Variants in PRRC2B observed in about 807,000 individuals in gnomAD.
PRRC2B encodes protein PRRC2B.
PRRC2B carries 68 observed loss-of-function variants against 242.3 expected under a neutral mutation model. The ratio of observed to expected loss-of-function variants is 0.28; its 90% confidence interval spans 0.23 to 0.34. PRRC2B has a LOEUF of 0.34. Ranked by LOEUF, PRRC2B falls within the 10% of genes least tolerant of loss-of-function variation. PRRC2B has a pLI of 1.00. For missense variants in PRRC2B, 2,835 were observed against 2,954.8 expected, an observed-to-expected ratio of 0.96 and a Z score of 0.94; for synonymous variants, 1,228 against 1,173.6, an observed-to-expected ratio of 1.05 and a Z score of -0.95.
intron 9 of PRRC2B, among the ~76,000 whole-genome samples, chr9:131,454,704 C>T (rs1453002535): frequency 2.0e-5 from 3 of 151,762 alleles, no homozygotes; most frequent in Non-Finnish European, 2.9e-5. Context: ...GGCATGATCT[C>T]GGCTCACTGC....
chr9:131,430,587 GTGTGTGTGTA>G (rs1432089096), intron 2 of PRRC2B, among the ~76,000 whole-genome samples: 20 of 138,106 alleles, frequency 1.4e-4, no homozygotes, highest in African/African-American at 1.9e-4. Context: ...GTGTGTGTGT[GTGTGTGTGTA>G]TATATATGTT....
intron 1 of PRRC2B, among the ~76,000 whole-genome samples, chr9:131,380,135 G>T (rs547866733): frequency 1.3e-5 from 2 of 151,186 alleles, no homozygotes; most frequent in African/African-American, 4.8e-5. Context: ...TGAGACTACA[G>T]GTGTGCACCA....
upstream of PRRC2B, among the ~76,000 whole-genome samples, chr9:131,391,882 A>G (rs1233563111): frequency 6.6e-6 from 1 of 151,948 alleles, no homozygotes; most frequent in Non-Finnish European, 1.5e-5. Flanking sequence ...CTGGGATTAC[A>G]GGACCCCACC....
intron 4 of PRRC2B, among the ~76,000 whole-genome samples, chr9:131,438,373 G>A (rs184673881): frequency 2.6e-5 from 4 of 152,048 alleles, no homozygotes; most frequent in South Asian, 2.1e-4. Flanking sequence ...GCCTTCTCAG[G>A]GGGTGGTGAG....
upstream of PRRC2B, among the ~76,000 whole-genome samples, chr9:131,392,381 G>A (rs1205412642): frequency 2.6e-5 from 4 of 152,156 alleles, no homozygotes; most frequent in Non-Finnish European, 5.9e-5. Flanking sequence ...ACAGGTGTTA[G>A]CCACTGCGCC....
intron 1 of PRRC2B, among the ~76,000 whole-genome samples, chr9:131,426,806 C>T (rs1312060899): frequency 6.6e-6 from 1 of 152,234 alleles, no homozygotes; most frequent in Non-Finnish European, 1.5e-5. Flanking sequence ...CCCTCTAGTA[C>T]ATTCAGCATC....
intron 29 of PRRC2B, among the ~76,000 whole-genome samples, 199 bp downstream of exon 29, chr9:131,491,779 G>C (rs1304822545): frequency 6.6e-6 from 1 of 152,200 alleles, no homozygotes; most frequent in Non-Finnish European, 1.5e-5. Flanking sequence ...TGAGGGCCAG[G>C]AATCAGCATT....
chr9:131,478,644 ATG>A, intron 18 of PRRC2B, 25 bp downstream of exon 18: 28 of 443,754 alleles, frequency 6.3e-5, no homozygotes, highest in East Asian at 1.0e-4. Context: ...GTGGGGGGGC[ATG>A]GGGCTGGAGG....
chr9:131,381,931 G>C (rs1836766419), intron 1 of PRRC2B, among the ~76,000 whole-genome samples: 1 of 151,944 alleles, frequency 6.6e-6, no homozygotes, highest in Non-Finnish European at 1.5e-5. Flanking sequence ...GTAGAGACAG[G>C]GTTTCACCGT....
At chr9:131,378,832 C>T (rs544257394) in intron 1 of PRRC2B, among the ~76,000 whole-genome samples, 2 of 152,230 alleles carry the variant, frequency 1.3e-5, no homozygotes, top group East Asian at 1.9e-4. Flanking sequence ...GATTCTCCTG[C>T]GTCAGCCTCC....
chr9:131,478,340 C>A, intron 17 of PRRC2B, 134 bp from the exon 18 acceptor site: 8 of 851,434 alleles, frequency 9.4e-6, no homozygotes, highest in Middle Eastern at 5.2e-4. Flanking sequence ...TCAGAGGCGG[C>A]CTGAGAAAAG....
chr9:131,486,610 G>C, intron 26 of PRRC2B: 1 of 910,186 alleles, frequency 1.1e-6, no homozygotes, highest in Non-Finnish European at 1.3e-6. Context: ...CTGCCAAGGG[G>C]TGATTTTTGG....
rs577812069 is a variant in PRRC2B, at chr9:131,428,489, C to T, written c.-51-1605C>T. On this transcript the variant is annotated intron_variant, in intron 1 of 31. Transcript: ENST00000683519. Reference sequence around the variant, plus strand: ...TCAGCTCACTGCAACTTCTGCCTCCCGGCTTCAAGCAATTCTCATGTCTCA... The same window carrying T: ...TCAGCTCACTGCAACTTCTGCCTCCTGGCTTCAAGCAATTCTCATGTCTCA... 1.3e-3 allele frequency among the ~76,000 whole-genome samples: 199 copies of T among 152,146 alleles called. 1 individual carries two copies. The highest frequency in any genetic ancestry group is 4.0e-3 in the African/African-American group (165 of 41,514).
intron 3 of PRRC2B, among the ~76,000 whole-genome samples, chr9:131,433,324 T>G (rs1044572052): frequency 5.9e-5 from 9 of 152,194 alleles, no homozygotes; most frequent in African/African-American, 2.2e-4. Flanking sequence ...CACAGAATCC[T>G]CCAGGATCAC....
chr9:131,474,571 A>C lies in PRRC2B; in HGVS notation c.2442A>C (p.Ala814=), dbSNP rs200268888. Reference sequence around the variant, plus strand: ...GTGCTTTTGACAAGAAGGCCCAAGCAGACTTTGACAGCTGTATCTCTTCTC... The same window carrying C: ...GTGCTTTTGACAAGAAGGCCCAAGCCGACTTTGACAGCTGTATCTCTTCTC... ...YLSAFDKKAQ[A]DFDSCISSQR... Residue 814 remains alanine, a synonymous_variant, in exon 16 of 32, where the codon GCA becomes GCC. Coordinates refer to ENST00000683519, the MANE Select transcript of PRRC2B (RefSeq NM_013318.4). The C allele has an allele frequency of 4.9e-3, 7,951 of 1,614,022 alleles. 32 individuals carry two copies. Among genetic ancestry groups the C allele is most frequent in the Non-Finnish European group, 6.0e-3 (7,090 of 1,179,900 alleles).
chr9:131,393,959 T>G (rs1400443371), upstream of PRRC2B: 1 of 146,460 alleles, frequency 6.8e-6, no homozygotes, highest in African/African-American at 2.5e-5. Context: ...AGGCCGCCGC[T>G]CCCGGGAGGC....
intron 1 of PRRC2B, among the ~76,000 whole-genome samples, chr9:131,426,691 G>A (rs1837985267): frequency 6.6e-6 from 1 of 152,180 alleles, no homozygotes; most frequent in South Asian, 2.1e-4. Flanking sequence ...GAGCTCTGGG[G>A]AGGGCTGCTG....
chr9:131,418,494 G>C (rs924203911), intron 1 of PRRC2B, among the ~76,000 whole-genome samples: 1 of 152,172 alleles, frequency 6.6e-6, no homozygotes, highest in East Asian at 1.9e-4. Context: ...TGAGGACATA[G>C]GGTTTAGGAA....
intron 25 of PRRC2B, among the ~76,000 whole-genome samples, chr9:131,485,487 C>T (rs1246908005): frequency 1.3e-5 from 2 of 152,190 alleles, no homozygotes; most frequent in East Asian, 3.9e-4. Context: ...CCTCTCCTCT[C>T]TTACATGAAA....
Sources: allele counts gnomAD v4.1 joint callset (sites outside exome capture counted in the v4.1 genomes callset), GRCh38; gene constraint gnomAD v4.1.1; transcripts MANE v1.5; gene names NCBI Gene and HGNC (gene_info 2026-07-23, HGNC 2026-07-21).